Variants in CAB39 observed in about 807,000 individuals in gnomAD.
CAB39 encodes the protein calcium binding protein 39.
CAB39 carries 8 observed loss-of-function variants against 40.0 expected under a neutral mutation model. The ratio of observed to expected loss-of-function variants is 0.20; its 90% confidence interval spans 0.12 to 0.36. The LOEUF (loss-of-function observed/expected upper bound fraction) is 0.36. Among genes scored for constraint, CAB39 ranks in the 10% least tolerant of loss-of-function variants. The pLI, the probability that CAB39 is intolerant of heterozygous loss-of-function variation, is 1.00. For missense variants in CAB39, 270 were observed against 401.1 expected (o/e 0.67, Z 2.79); for synonymous variants, 156 against 141.6 (o/e 1.10, Z -0.72).
intron 2 of CAB39, among the ~76,000 whole-genome samples, chr2:230,780,977 G>T (rs888338604): frequency 1.4e-4 from 22 of 152,012 alleles, no homozygotes; most frequent in African/African-American, 4.8e-4. Context: ...AGCTACTCGG[G>T]AGGCTGAGGT....
intron 2 of CAB39, among the ~76,000 whole-genome samples, chr2:230,782,435 A>G (rs1477817878): frequency 6.6e-6 from 1 of 152,114 alleles, no homozygotes; most frequent in African/African-American, 2.4e-5. Context: ...TACCAACATA[A>G]TGATCATTTT....
intron 1 of CAB39, among the ~76,000 whole-genome samples, chr2:230,742,427 G>A (rs960677877): frequency 2.0e-5 from 3 of 151,942 alleles, no homozygotes; most frequent in African/African-American, 4.8e-5. Context: ...CGCCCGCCTC[G>A]GCCTCCCACA....
chr2:230,774,325 A>G (rs1459601019), intron 2 of CAB39, among the ~76,000 whole-genome samples: 4 of 152,202 alleles, frequency 2.6e-5, no homozygotes, highest in Non-Finnish European at 5.9e-5. Flanking sequence ...TATATGGTAC[A>G]TAGTTACCAC....
chr2:230,743,937 T>A lies in CAB39; in HGVS notation c.-43-16022T>A, dbSNP rs917002393. Among the ~76,000 whole-genome samples the A allele has an allele frequency of 3.1e-4, 46 of 150,042 alleles. 1 individual carries two copies. The East Asian group carries it at 9.0e-3, about 29-fold the overall frequency. ...GATACTTTTTTTTTTTTTTTTTTTT[T>A]AAGATGGAGTCTCGCTCTGTCACCC... On this transcript the variant is annotated intron_variant, in intron 1 of 8. Transcript: ENST00000258418.
chr2:230,748,814 A>G (rs938017716), intron 1 of CAB39, among the ~76,000 whole-genome samples: 1 of 25,636 alleles, frequency 3.9e-5, no homozygotes, highest in Non-Finnish European at 7.3e-5. Flanking sequence ...TTCCAAAAAG[A>G]AAAAAAAAAA....
chr2:230,780,380 CA>C (rs1338456166), intron 2 of CAB39, among the ~76,000 whole-genome samples: 1 of 152,154 alleles, frequency 6.6e-6, no homozygotes, highest in African/African-American at 2.4e-5. Context: ...AACTAATGCA[CA>C]GGCCTTTTTC....
intron 1 of CAB39, among the ~76,000 whole-genome samples, chr2:230,747,848 A>G (rs1312550110): frequency 6.6e-6 from 1 of 152,196 alleles, no homozygotes; most frequent in African/African-American, 2.4e-5. Flanking sequence ...TTGTTCTCTG[A>G]GAGAGGTGGA....
At chr2:230,804,426 A>C (rs1012441065) in intron 5 of CAB39, among the ~76,000 whole-genome samples, 1 of 152,230 alleles carries the variant, frequency 6.6e-6, no homozygotes, top group Non-Finnish European at 1.5e-5. Context: ...GCTTCTGCAC[A>C]GCAAAAGAAA....
chr2:230,816,410 A>C (rs1309660224), intron 7 of CAB39, among the ~76,000 whole-genome samples: 1 of 152,232 alleles, frequency 6.6e-6, no homozygotes, highest in Non-Finnish European at 1.5e-5. Context: ...GTTGCTTCTC[A>C]CCGTAAGAAT....
chr2:230,762,397 C>G (rs1465783072), intron 2 of CAB39, among the ~76,000 whole-genome samples: 1 of 152,190 alleles, frequency 6.6e-6, no homozygotes, highest in Non-Finnish European at 1.5e-5. Flanking sequence ...ACTTGACCTC[C>G]CTCTCACAGT....
intron 1 of CAB39, among the ~76,000 whole-genome samples, chr2:230,726,820 TGAAA>T (rs1417197500): frequency 6.6e-6 from 1 of 151,658 alleles, no homozygotes; most frequent in Non-Finnish European, 1.5e-5. Context: ...CTACAGAAGC[TGAAA>T]GGGAGGGGCG....
intron 1 of CAB39, among the ~76,000 whole-genome samples, chr2:230,759,611 C>T (rs577568659): frequency 6.6e-6 from 1 of 152,318 alleles, no homozygotes; most frequent in East Asian, 1.9e-4. Flanking sequence ...AGTTCTAGTG[C>T]TCAGCATCAG....
chr2:230,763,996 C>T (rs1695339615), intron 2 of CAB39, among the ~76,000 whole-genome samples: 2 of 151,930 alleles, frequency 1.3e-5, no homozygotes, highest in African/African-American at 4.8e-5. Flanking sequence ...GTGGCACGCA[C>T]CTATAGTCCC....
intron 2 of CAB39, among the ~76,000 whole-genome samples, chr2:230,787,347 T>A (rs1695810682): frequency 6.6e-6 from 1 of 152,188 alleles, no homozygotes; most frequent in Non-Finnish European, 1.5e-5. Flanking sequence ...AGTCAATGAT[T>A]GAGGCAGGTC....
At chr2:230,804,558 C>G (rs1696155249) in intron 5 of CAB39, among the ~76,000 whole-genome samples, 1 of 152,060 alleles carries the variant, frequency 6.6e-6, no homozygotes, top group South Asian at 2.1e-4. Context: ...AGAAAAAAAT[C>G]AAACAACCCC....
At chr2:230,805,335 C>T (rs1026197079) in intron 5 of CAB39, among the ~76,000 whole-genome samples, 2 of 151,688 alleles carry the variant, frequency 1.3e-5, no homozygotes, top group Non-Finnish European at 1.5e-5. Flanking sequence ...ACCAACATGG[C>T]ACATGTATAC....
At chr2:230,781,966 G>A (rs1695694167) in intron 2 of CAB39, among the ~76,000 whole-genome samples, 1 of 152,184 alleles carries the variant, frequency 6.6e-6, no homozygotes, top group South Asian at 2.1e-4. Flanking sequence ...CAAGGTTCAA[G>A]ATAGTCTCGT....
At chr2:230,772,095 T>A (rs1361823809) in intron 2 of CAB39, among the ~76,000 whole-genome samples, 2 of 152,176 alleles carry the variant, frequency 1.3e-5, no homozygotes, top group Non-Finnish European at 2.9e-5. Flanking sequence ...AATTAAAACC[T>A]GCTCTTCAGA....
At chr2:230,802,003 T>A (rs1696098920) in intron 5 of CAB39, among the ~76,000 whole-genome samples, 1 of 152,052 alleles carries the variant, frequency 6.6e-6, no homozygotes, top group African/African-American at 2.4e-5. Flanking sequence ...GAGAGGGGCA[T>A]TAGAAAGCCA....
Sources: allele counts gnomAD v4.1 joint callset (sites outside exome capture counted in the v4.1 genomes callset), GRCh38; gene constraint gnomAD v4.1.1; transcripts MANE v1.5; gene names NCBI Gene and HGNC (gene_info 2026-07-23, HGNC 2026-07-21).